AGMO: variants seen among roughly 807,000 people sequenced by gnomAD.
AGMO encodes the protein glyceryl-ether monooxygenase.
In AGMO, 75 loss-of-function variants were observed where a neutral mutation model predicts 60.2. That is an observed-to-expected ratio of 1.25 (90% CI 1.03 to 1.51). The LOEUF (loss-of-function observed/expected upper bound fraction) is 1.51. AGMO is among the 40% of genes most tolerant of loss of function. AGMO has a pLI of 0.00. For synonymous variants in AGMO, 261 were observed against 177.1 expected, an observed-to-expected ratio of 1.47 and a Z score of -3.76; for missense variants, 763 against 525.5, an observed-to-expected ratio of 1.45 and a Z score of -4.42.
chr7:15,407,006 TAC>T (rs1298962847), intron 5 of AGMO, among the ~76,000 whole-genome samples: 1 of 143,406 alleles, frequency 7.0e-6, no homozygotes, highest in African/African-American at 2.5e-5. Context: ...ATATGGAATA[TAC>T]ATATATATGT....
chr7:15,350,228 A>T (rs7777590), intron 12 of AGMO, among the ~76,000 whole-genome samples: 83,733 of 152,004 alleles, frequency 0.55, 24,482 homozygotes, highest in African/African-American at 0.77. Context: ...ACAAACACCA[A>T]GCATGAAGGA....
intron 12 of AGMO, among the ~76,000 whole-genome samples, chr7:15,354,331 C>CAT (rs1782377312): frequency 1.4e-5 from 1 of 69,422 alleles, no homozygotes; most frequent in African/African-American, 7.9e-5. Context: ...TATACGTACG[C>CAT]GTGTATATAC....
the AGMO span, among the ~76,000 whole-genome samples, chr7:15,134,143 T>C: frequency 6.6e-6 from 1 of 152,132 alleles, no homozygotes; most frequent in Non-Finnish European, 1.5e-5. Flanking sequence ...ATAATAAGTG[T>C]AGTACCTAAT....
chr7:15,531,097 A>G lies in AGMO; in HGVS notation c.409+13675T>C, dbSNP rs190021072. 5.5e-4 allele frequency among the ~76,000 whole-genome samples: 26 copies of G among 47,194 alleles called. 1 individual carries two copies. The highest frequency in any genetic ancestry group is 2.0e-3 in the East Asian group (2 of 992). 31.0% of individuals were successfully genotyped at this position (47,194 alleles called of 152,430 possible). A position where few individuals can be genotyped will look rare whatever the true frequency, so the allele number is the denominator to read the frequency against. On this transcript the variant is annotated intron_variant, in intron 3 of 12. Coordinates refer to ENST00000342526, the MANE Select transcript of AGMO (RefSeq NM_001004320.2). ...TATATATATTCTATATATATATTCT[A>G]TATATATTCTATATATATTCTATAT...
intron 3 of AGMO, among the ~76,000 whole-genome samples, chr7:15,509,879 G>A (rs780927483): frequency 1.4e-4 from 22 of 152,124 alleles, no homozygotes; most frequent in Non-Finnish European, 2.6e-4. Context: ...CACTTGTTAG[G>A]ATGGCCAGTA....
the AGMO span, among the ~76,000 whole-genome samples, chr7:15,182,185 C>T: frequency 6.6e-6 from 1 of 151,970 alleles, no homozygotes; most frequent in South Asian, 2.1e-4. Flanking sequence ...ATGGTGTTTT[C>T]TTAGGTTTGG....
At chr7:15,241,782 A>T (rs997856284) in intron 12 of AGMO, among the ~76,000 whole-genome samples, 19 of 152,160 alleles carry the variant, frequency 1.2e-4, no homozygotes, top group Admixed American at 1.0e-3. Context: ...GTAGACTTAG[A>T]TGAGTTCCTG....
the AGMO span, among the ~76,000 whole-genome samples, chr7:15,163,931 T>C: frequency 1.3e-5 from 2 of 152,114 alleles, no homozygotes; most frequent in Admixed American, 1.3e-4. Flanking sequence ...TTGGTAAAAT[T>C]TGACTATGAA....
the AGMO span, among the ~76,000 whole-genome samples, chr7:15,133,269 G>C: frequency 2.6e-5 from 4 of 152,206 alleles, no homozygotes; most frequent in East Asian, 7.7e-4. Flanking sequence ...CTTCAGGACA[G>C]TAACTGTTCC....
chr7:15,141,809 T>C, the AGMO span, among the ~76,000 whole-genome samples: 11 of 152,326 alleles, frequency 7.2e-5, no homozygotes, highest in South Asian at 2.3e-3. Flanking sequence ...TATTTTTTAA[T>C]ATTAAACTTA....
chr7:15,221,421 C>T (rs1050748673), intron 12 of AGMO, among the ~76,000 whole-genome samples: 4 of 151,892 alleles, frequency 2.6e-5, no homozygotes, highest in Admixed American at 6.6e-5. Context: ...AAAAATGACA[C>T]GGCTAAAAAA....
In AGMO at chr7:15,394,157, A is replaced by T; in HGVS notation, c.632T>A (p.Leu211Ter). The change falls in exon 6 of 13, where the codon TTG becomes TAG. Residue 211 changes from leucine to a stop codon, truncating the protein, a stop_gained. Transcript: ENST00000342526. LOFTEE classifies it high-confidence loss of function. ...GCTAGGAGTATTAAGAATCAGTTCC[A>T]AAGGACCAAGGTTATTGATGACCTG... is the stretch of plus-strand genomic sequence containing the variant. ...HTEVINNLGP[L>*]ELILNTPSHH... The T allele has an allele frequency of 6.2e-7, 1 of 1,612,042 alleles. No homozygotes were observed. Among genetic ancestry groups the T allele is most frequent in the South Asian group, 1.1e-5 (1 of 90,984 alleles).
At chr7:15,147,002 T>C in the AGMO span, among the ~76,000 whole-genome samples, 2 of 152,116 alleles carry the variant, frequency 1.3e-5, no homozygotes, top group African/African-American at 4.8e-5. Flanking sequence ...TTAAAATATA[T>C]ACACAAAACA....
At chr7:15,386,451 C>T (rs7792408) in intron 9 of AGMO, among the ~76,000 whole-genome samples, 2 of 151,830 alleles carry the variant, frequency 1.3e-5, no homozygotes, top group African/African-American at 4.8e-5. Context: ...AATAATAAAT[C>T]GATCATAGCA....
the AGMO span, among the ~76,000 whole-genome samples, chr7:15,173,517 G>A: frequency 6.6e-6 from 1 of 151,982 alleles, no homozygotes; most frequent in African/African-American, 2.4e-5. Context: ...CTGGTCCCTC[G>A]ATCATCACCA....
intron 10 of AGMO, among the ~76,000 whole-genome samples, chr7:15,377,769 G>C (rs991156171): frequency 6.6e-6 from 1 of 151,852 alleles, no homozygotes; most frequent in Non-Finnish European, 1.5e-5. Flanking sequence ...GTTCTACTTG[G>C]GGAGAACATA....
chr7:15,365,393 AAAG>A, intron 12 of AGMO, 118 bp downstream of exon 12: 1 of 487,892 alleles, frequency 2.0e-6, no homozygotes, highest in Non-Finnish European at 3.5e-6. Context: ...AAAAAAAAAA[AAAG>A]ATCAAGATTT....
chr7:15,123,052 T>C, the AGMO span, among the ~76,000 whole-genome samples: 1 of 152,042 alleles, frequency 6.6e-6, no homozygotes, highest in Admixed American at 6.6e-5. Flanking sequence ...CCAGCCTCCT[T>C]ACCGTTTTTA....
chr7:15,458,647 T>C (rs1173179673), intron 3 of AGMO, among the ~76,000 whole-genome samples: 2 of 152,214 alleles, frequency 1.3e-5, no homozygotes, highest in African/African-American at 4.8e-5. Context: ...TATGGCTCTC[T>C]ATGGTTTGCA....
Sources: gnomAD v4.1 joint callset for allele counts (sites outside exome capture counted in the v4.1 genomes callset) on GRCh38, gnomAD v4.1.1 for gene constraint, MANE v1.5 for transcripts, NCBI Gene and HGNC (gene_info 2026-07-23, HGNC 2026-07-21) for gene names.